Variants in ZFHX3 observed in about 807,000 individuals in gnomAD.
The protein encoded by ZFHX3 is zinc finger homeobox protein 3.
In ZFHX3, 42 loss-of-function variants were observed where a neutral mutation model predicts 279.1. The observed-to-expected ratio is 0.15, with a 90% CI of 0.12 to 0.19. ZFHX3 has a LOEUF of 0.19. Ranked by LOEUF, ZFHX3 falls within the 10% of genes least tolerant of loss-of-function variation. The probability of loss-of-function intolerance (pLI) is 1.00; values close to 1 mark genes in which losing one functional copy is unlikely to be tolerated. For missense variants in ZFHX3, 4,981 were observed against 4,754.0 expected (o/e 1.05, Z -1.40); for synonymous variants, 2,293 against 1,957.8 (o/e 1.17, Z -4.52).
At chr16:73,170,666 G>C (rs1423171664) in intron 5 of ZFHX3, among the ~76,000 whole-genome samples, 4 of 152,208 alleles carry the variant, frequency 2.6e-5, no homozygotes, top group Non-Finnish European at 2.9e-5. Context: ...CAGAAGATAT[G>C]CTGAGCTAGG....
intron 3 of ZFHX3, among the ~76,000 whole-genome samples, chr16:72,911,811 T>C (rs571320319): frequency 1.3e-5 from 2 of 152,288 alleles, no homozygotes. Context: ...TAGTGGACGG[T>C]GCTGAATTCT....
intron 4 of ZFHX3, among the ~76,000 whole-genome samples, chr16:73,271,889 G>A (rs187053384): frequency 2.0e-5 from 3 of 152,324 alleles, no homozygotes; most frequent in Admixed American, 2.0e-4. Context: ...TAGATGCTGG[G>A]TTCTTAGAGG....
At chr16:72,864,253 C>T (rs1256381014) in intron 4 of ZFHX3, among the ~76,000 whole-genome samples, 1 of 152,156 alleles carries the variant, frequency 6.6e-6, no homozygotes, top group East Asian at 1.9e-4. Flanking sequence ...TCCTCATAAA[C>T]CCTTCTTGAT....
In ZFHX3 at chr16:72,795,217, G is replaced by A; in HGVS notation, c.7465C>T (p.Pro2489Ser). ...GACTGGGGTAAGGGGCACTGTGGAG[G>A]GGGCGCTTGTGGAGGAGGCTGTGGC... ...SLPQPPPQAP[P>S]PQCPLPQSSP... Residue 2489 changes from proline (P) to serine (S), a missense_variant, in exon 9 of 10, where the codon CCT becomes TCT. By Grantham distance (74) the Pro-to-Ser change is moderately conservative. Transcript: ENST00000268489. 1 of 1,608,256 alleles carries A rather than the reference G, an allele frequency of 6.2e-7. No homozygotes were observed. Among genetic ancestry groups the A allele is most frequent in the Non-Finnish European group, 8.5e-7 (1 of 1,176,902 alleles).
chr16:73,604,388 C>G (rs892676573), intron 2 of ZFHX3, among the ~76,000 whole-genome samples: 1 of 152,100 alleles, frequency 6.6e-6, no homozygotes, highest in African/African-American at 2.4e-5. Flanking sequence ...AATTTCAAAT[C>G]TAATCCACTG....
chr16:73,164,323 G>C (rs572474912), intron 5 of ZFHX3, among the ~76,000 whole-genome samples: 224 of 152,300 alleles, frequency 1.5e-3, no homozygotes, highest in Non-Finnish European at 2.3e-3. Flanking sequence ...GGATGTGCTT[G>C]TCACTCATCC....
chr16:72,941,095 A>G (rs1239763474), intron 3 of ZFHX3, among the ~76,000 whole-genome samples: 1 of 152,230 alleles, frequency 6.6e-6, no homozygotes, highest in Admixed American at 6.5e-5. Context: ...CATCTGGCCA[A>G]GTTGCTGGTG....
chr16:73,573,263 T>G (rs891110291), intron 2 of ZFHX3, among the ~76,000 whole-genome samples: 6 of 151,872 alleles, frequency 4.0e-5, no homozygotes, highest in South Asian at 2.1e-4. Context: ...CTCACCACCC[T>G]CCCCAGTGTG....
At chr16:72,911,991 T>C (rs1026126281) in intron 3 of ZFHX3, among the ~76,000 whole-genome samples, 1 of 152,204 alleles carries the variant, frequency 6.6e-6, no homozygotes, top group African/African-American at 2.4e-5. Flanking sequence ...GTCTAGGGAA[T>C]AACATAAAAA....
intron 5 of ZFHX3, among the ~76,000 whole-genome samples, chr16:72,826,240 G>A (rs2036924413): frequency 6.6e-6 from 1 of 152,288 alleles, no homozygotes; most frequent in South Asian, 2.1e-4. Flanking sequence ...CACTCCAAAT[G>A]TAGAAATAAA....
chr16:73,791,332 C>T (rs765285911), intron 1 of ZFHX3, among the ~76,000 whole-genome samples: 11 of 152,270 alleles, frequency 7.2e-5, no homozygotes, highest in East Asian at 5.8e-4. Context: ...AGTTCTCAAA[C>T]GGTAGTGTGC....
intron 2 of ZFHX3, among the ~76,000 whole-genome samples, chr16:73,496,228 C>T (rs1027639452): frequency 6.6e-6 from 1 of 152,212 alleles, no homozygotes; most frequent in Non-Finnish European, 1.5e-5. Flanking sequence ...TGGCCTTTTG[C>T]TTTTCTTAGA....
intron 1 of ZFHX3, among the ~76,000 whole-genome samples, chr16:73,791,626 T>A (rs1447863641): frequency 6.6e-6 from 1 of 151,958 alleles, no homozygotes; most frequent in Non-Finnish European, 1.5e-5. Flanking sequence ...GGTTTCACCA[T>A]GTTGGCCAGG....
At chr16:73,814,576 T>C (rs572444474) in intron 1 of ZFHX3, among the ~76,000 whole-genome samples, 1 of 152,048 alleles carries the variant, frequency 6.6e-6, no homozygotes, top group East Asian at 1.9e-4. Flanking sequence ...AACTTTTTTT[T>C]TTTTTTTTGA....
intron 2 of ZFHX3, among the ~76,000 whole-genome samples, chr16:73,616,441 A>AC (rs2052302535): frequency 6.8e-6 from 1 of 147,012 alleles, no homozygotes; most frequent in Admixed American, 6.9e-5. Context: ...AAAAAAAAAA[A>AC]CACCAATGCT....
At chr16:73,876,012 T>G (rs920621227) in intron 1 of ZFHX3, among the ~76,000 whole-genome samples, 2 of 152,208 alleles carry the variant, frequency 1.3e-5, no homozygotes, top group African/African-American at 4.8e-5. Flanking sequence ...TTAAATACAC[T>G]GGTACATAAA....
At chr16:73,033,407 G>A (rs997001082) in intron 1 of ZFHX3, among the ~76,000 whole-genome samples, 4 of 152,048 alleles carry the variant, frequency 2.6e-5, no homozygotes, top group Admixed American at 6.5e-5. Flanking sequence ...CTCCCCCGCC[G>A]CCCCCCAGCA....
intron 2 of ZFHX3, among the ~76,000 whole-genome samples, chr16:73,588,116 A>G (rs2051946642): frequency 6.6e-6 from 1 of 152,308 alleles, no homozygotes; most frequent in East Asian, 1.9e-4. Flanking sequence ...GGAAACCGCT[A>G]TGAATTAGGA....
chr16:72,930,885 C>T lies in ZFHX3; in HGVS notation c.3216+19584G>A, dbSNP rs189021706. On this transcript the variant is annotated intron_variant, in intron 3 of 9. Transcript: ENST00000268489. ...TACAAGGTGCCATCACTGAGCCGTA[C>T]CCCACATCCTGGACGTTACAATATC... Among the ~76,000 whole-genome samples the T allele has an allele frequency of 2.0e-5, 3 of 152,310 alleles. No homozygotes were observed. The East Asian group carries it at 5.8e-4, about 29-fold the overall frequency.
Sources: gnomAD v4.1 joint callset for allele counts (sites outside exome capture counted in the v4.1 genomes callset) on GRCh38, gnomAD v4.1.1 for gene constraint, MANE v1.5 for transcripts, NCBI Gene and HGNC (gene_info 2026-07-23, HGNC 2026-07-21) for gene names.